The following AOPEP variants were observed in gnomAD, a reference collection of about 807,000 sequenced individuals.
AOPEP encodes the protein aminopeptidase O.
A neutral mutation model predicts 98.1 loss-of-function variants in AOPEP; 77 were observed. The ratio of observed to expected loss-of-function variants is 0.78; its 90% CI spans 0.65 to 0.95. The LOEUF is 0.95. AOPEP is among the 40% of genes least tolerant of loss of function. The pLI, the probability that AOPEP is intolerant of heterozygous loss-of-function variation, is 0.00. For missense variants in AOPEP, 1,024 were observed against 1,024.7 expected (o/e 1.00, Z 0.01); for synonymous variants, 346 against 365.3 (o/e 0.95, Z 0.60).
chr9:94,890,859 TG>T lies in AOPEP; in HGVS notation c.1365-33126del, dbSNP rs2048801101. ...ATTTTAAATTTGTTAATATTTGTTT[TG>T]TGACTCAGGGCCTGTTGTGGTGAAT... On this transcript the variant is annotated intron_variant, in intron 5 of 16. Transcript: ENST00000375315. Among the ~76,000 whole-genome samples, 4 of 152,248 alleles carry T rather than the reference TG, an allele frequency of 2.6e-5. No individual in the cohort carries two copies. The South Asian group carries it at 8.3e-4, about 31-fold the overall frequency.
At chr9:94,983,507 T>C (rs1482204567) in intron 11 of AOPEP, among the ~76,000 whole-genome samples, 1 of 152,196 alleles carries the variant, frequency 6.6e-6, no homozygotes, top group Non-Finnish European at 1.5e-5. Context: ...TGATTCATTG[T>C]TCACATCAAT....
the AOPEP span, chr9:95,110,462 A>G: frequency 9.8e-5 from 101 of 1,029,288 alleles, no homozygotes; most frequent in Non-Finnish European, 1.2e-4. Context: ...GAAGAAATAA[A>G]AAGCTTTCTT....
the AOPEP span, among the ~76,000 whole-genome samples, chr9:95,113,223 G>T: frequency 2.0e-5 from 3 of 152,222 alleles, no homozygotes; most frequent in Non-Finnish European, 2.9e-5. Context: ...AGGAAGGAGT[G>T]AGCAGCTGGC....
intron 3 of AOPEP, among the ~76,000 whole-genome samples, chr9:94,787,624 T>C (rs1416006569): frequency 1.3e-5 from 2 of 152,234 alleles, no homozygotes; most frequent in Admixed American, 1.3e-4. Flanking sequence ...TCTAAATTGC[T>C]TCTTTCTTCT....
At chr9:94,966,247 G>T (rs2059190717) in intron 9 of AOPEP, among the ~76,000 whole-genome samples, 2 of 151,240 alleles carry the variant, frequency 1.3e-5, no homozygotes, top group African/African-American at 4.9e-5. Context: ...TGTCATCAGA[G>T]TCCTGTGCAG....
At chr9:94,986,386 T>C (rs935864027) in intron 11 of AOPEP, among the ~76,000 whole-genome samples, 2 of 152,238 alleles carry the variant, frequency 1.3e-5, no homozygotes, top group Admixed American at 6.5e-5. Flanking sequence ...AGGAATTGAA[T>C]ATATGAATTT....
intron 5 of AOPEP, among the ~76,000 whole-genome samples, chr9:94,901,223 T>C (rs926206979): frequency 1.7e-4 from 26 of 152,204 alleles, no homozygotes; most frequent in African/African-American, 6.3e-4. Context: ...TTATGGCCCT[T>C]TCAGCTTTTA....
chr9:94,900,253 C>T (rs904273472), intron 5 of AOPEP, among the ~76,000 whole-genome samples: 18 of 152,180 alleles, frequency 1.2e-4, no homozygotes, highest in Admixed American at 3.9e-4. Context: ...TTCTAGCAAC[C>T]AAATTCTGTG....
chr9:95,059,480 G>A (rs1042590638), intron 13 of AOPEP, among the ~76,000 whole-genome samples: 1 of 151,266 alleles, frequency 6.6e-6, no homozygotes, highest in African/African-American at 2.4e-5. Flanking sequence ...CTTGCTGTCT[G>A]CCCGTTGCCC....
chr9:95,096,562 T>C, the AOPEP span, among the ~76,000 whole-genome samples: 144,642 of 152,242 alleles, frequency 0.95, 68,752 homozygotes, highest in Middle Eastern at 0.99. Flanking sequence ...GCAGGTGTGG[T>C]CCCTCTGCCT....
chr9:94,933,602 C>G (rs1434959587), intron 7 of AOPEP: 3 of 985,232 alleles, frequency 3.0e-6, no homozygotes, highest in East Asian at 2.3e-4. Context: ...ACAAAAACAT[C>G]CCTTAATAAT....
intron 3 of AOPEP, among the ~76,000 whole-genome samples, chr9:94,788,241 T>C (rs1474423135): frequency 1.3e-5 from 2 of 151,558 alleles, no homozygotes; most frequent in African/African-American, 4.8e-5. Flanking sequence ...ACCTGGCTAA[T>C]AAAAAAAAAT....
rs1564512199 is a variant in AOPEP, at chr9:95,005,601, A to G, written c.2100A>G (p.Glu700=). 2 of 1,613,946 alleles carry G rather than the reference A, an allele frequency of 1.2e-6. No individual in the cohort carries two copies. The highest frequency in any genetic ancestry group is 1.1e-5 in the South Asian group (1 of 91,076). The stretch of plus-strand genomic sequence containing the variant: ...GAAAACGGAAGCGCAGGGAGAAGGA[A>G]GAGGTGTTTGAAAAGGTAGGGGTTC... ...RPRKRKRREK[E]EVFEKLLPDQ... The change falls in exon 13 of 17, where the codon GAA becomes GAG. Residue 700 remains glutamate, a synonymous_variant. Coordinates refer to ENST00000375315, the MANE Select transcript of AOPEP (RefSeq NM_001193329.3).
At chr9:95,085,049 C>T (rs184344795) in intron 16 of AOPEP, among the ~76,000 whole-genome samples, 2 of 152,338 alleles carry the variant, frequency 1.3e-5, no homozygotes, top group Admixed American at 1.3e-4. Flanking sequence ...TCTCTGGAGT[C>T]CCTTTGATTC....
At chr9:94,907,593 C>A (rs973564568) in intron 5 of AOPEP, among the ~76,000 whole-genome samples, 1 of 152,146 alleles carries the variant, frequency 6.6e-6, no homozygotes, top group Non-Finnish European at 1.5e-5. Flanking sequence ...TGTGCACACA[C>A]ATGCACACCC....
At chr9:95,138,116 C>A in the AOPEP span, among the ~76,000 whole-genome samples, 1 of 152,206 alleles carries the variant, frequency 6.6e-6, no homozygotes, top group African/African-American at 2.4e-5. Flanking sequence ...AACAGCCCTA[C>A]AAAACAGGTA....
At chr9:95,110,161 A>ATTTTT in the AOPEP span, 1 of 807,610 alleles carries the variant, frequency 1.2e-6, no homozygotes, top group Non-Finnish European at 1.5e-6. Context: ...CAAGGGTTTT[A>ATTTTT]TTTTTTCATA....
At chr9:94,732,104 T>C (rs1327458800) in intron 1 of AOPEP, among the ~76,000 whole-genome samples, 1 of 152,190 alleles carries the variant, frequency 6.6e-6, no homozygotes, top group Non-Finnish European at 1.5e-5. Flanking sequence ...TTACTTTTTA[T>C]TGTTCCATAT....
chr9:94,866,484 C>T (rs1220652906), intron 5 of AOPEP, among the ~76,000 whole-genome samples: 1 of 152,144 alleles, frequency 6.6e-6, no homozygotes, highest in South Asian at 2.1e-4. Flanking sequence ...TCTACTAGTT[C>T]ATTAAAAACT....
Sources: allele counts gnomAD v4.1 joint callset (sites outside exome capture counted in the v4.1 genomes callset), GRCh38; gene constraint gnomAD v4.1.1; transcripts MANE v1.5; gene names NCBI Gene and HGNC (gene_info 2026-07-23, HGNC 2026-07-21).